Variants in RYR3 observed in about 807,000 individuals in gnomAD.
RYR3 encodes ryanodine receptor 3.
A neutral mutation model predicts 584.3 loss-of-function variants in RYR3; 207 were observed. The ratio of observed to expected loss-of-function variants is 0.35; its 90% confidence interval spans 0.32 to 0.40. The LOEUF (loss-of-function observed/expected upper bound fraction) is 0.40, where lower values mean the gene tolerates loss of function less well. Among genes scored for constraint, RYR3 ranks in the 10% least tolerant of loss-of-function variants. RYR3 has a pLI of 1.00. For synonymous variants in RYR3, 2,416 were observed against 2,248.5 expected (o/e 1.07, Z -2.11); for missense variants, 5,616 against 6,089.2 (o/e 0.92, Z 2.59).
chr15:33,359,773 C>G (rs1974499615), intron 1 of RYR3, among the ~76,000 whole-genome samples: 1 of 151,910 alleles, frequency 6.6e-6, no homozygotes. Flanking sequence ...CGCCCACCAC[C>G]AAGCCTGGCT....
At chr15:33,687,753 AC>A (rs2065118512) in intron 38 of RYR3, among the ~76,000 whole-genome samples, 1 of 152,196 alleles carries the variant, frequency 6.6e-6, no homozygotes, top group Admixed American at 6.5e-5. Flanking sequence ...CTCAGAAATA[AC>A]ACCACACATC....
At chr15:33,321,477 T>A (rs1181277153) in intron 1 of RYR3, among the ~76,000 whole-genome samples, 1 of 152,222 alleles carries the variant, frequency 6.6e-6, no homozygotes, top group Non-Finnish European at 1.5e-5. Context: ...ATATTGGTTA[T>A]TTAACCCTGT....
intron 22 of RYR3, among the ~76,000 whole-genome samples, chr15:33,630,930 A>G (rs552481184): frequency 3.3e-5 from 5 of 152,292 alleles, no homozygotes; most frequent in African/African-American, 1.2e-4. Context: ...CCAGCTACCT[A>G]TTTTTGTAAA....
At chr15:33,673,723 T>C (rs2063987272) in intron 38 of RYR3, among the ~76,000 whole-genome samples, 1 of 152,256 alleles carries the variant, frequency 6.6e-6, no homozygotes, top group Non-Finnish European at 1.5e-5. Flanking sequence ...AAACCATCTG[T>C]CAAATTTTAC....
At chr15:33,601,370 C>T (rs1324134739) in intron 16 of RYR3, 49 bp from the exon 17 acceptor site, 2 of 1,594,554 alleles carry the variant, frequency 1.3e-6, no homozygotes, top group South Asian at 1.1e-5. Context: ...GTCCTGCCTG[C>T]TGTGCCCTCC....
chr15:33,845,021 A>G lies in RYR3; in HGVS notation c.13456A>G (p.Ile4486Val), dbSNP rs775483380. 2 of 1,613,994 alleles carry G rather than the reference A, an allele frequency of 1.2e-6. No individual in the cohort carries two copies. The highest frequency in any genetic ancestry group is 3.3e-5 in the Admixed American group (2 of 60,032). Reference sequence around the variant, plus strand: ...GCGTGCCCTGGCCATCATCCATACCATCATCTCTCTAGTCTGTGTGGTGGG... The same window carrying G: ...GCGTGCCCTGGCCATCATCCATACCGTCATCTCTCTAGTCTGTGTGGTGGG... Reference protein sequence around the residue: ...TLRALAIIHTIISLVCVVGYY... With the variant: ...TLRALAIIHTVISLVCVVGYY... Residue 4486 changes from isoleucine to valine, a missense_variant, in exon 93 of 104, where the codon ATC becomes GTC. This residue lies in a region of RYR3 where 918 missense variants were observed against 887.4 expected (regional missense o/e 1.03). Transcript: ENST00000634891.
Position 33,699,768 on chromosome 15 carries a change from G to C in RYR3, c.6314G>C (p.Arg2105Pro). The C allele has an allele frequency of 6.2e-7, 1 of 1,613,724 alleles. No homozygotes were observed. Among genetic ancestry groups the C allele is most frequent in the Non-Finnish European group, 8.5e-7 (1 of 1,179,764 alleles). The change falls in exon 41 of 104, where the codon CGG becomes CCG. Residue 2105 changes from arginine (R) to proline (P), a missense_variant. By Grantham distance (103) the Arg-to-Pro change is moderately radical (BLOSUM62 -2). Coordinates refer to ENST00000634891, the MANE Select transcript of RYR3 (RefSeq NM_001036.6). Reference protein sequence around the residue: ...RFLCYFCRISRQNQKAMFEHL... With the variant: ...RFLCYFCRISPQNQKAMFEHL... ...CTTTGCTATTTCTGTCGAATTAGCCGGCAAAATCAGAAGGCCATGTTTGAG... is the reference window on the plus strand; with the variant it reads ...CTTTGCTATTTCTGTCGAATTAGCCCGCAAAATCAGAAGGCCATGTTTGAG...
chr15:33,805,406 G>A (rs751558633), intron 69 of RYR3, among the ~76,000 whole-genome samples: 1 of 151,570 alleles, frequency 6.6e-6, no homozygotes, highest in Non-Finnish European at 1.5e-5. Flanking sequence ...ACACTTACAC[G>A]TGTGAGTGAA....
chr15:33,557,967 T>G (rs2057174860), intron 10 of RYR3, among the ~76,000 whole-genome samples: 1 of 152,180 alleles, frequency 6.6e-6, no homozygotes, highest in East Asian at 1.9e-4. Context: ...ACAAGGTTGA[T>G]GCAGATAAAC....
At chr15:33,352,792 G>A (rs969555139) in intron 1 of RYR3, among the ~76,000 whole-genome samples, 3 of 152,278 alleles carry the variant, frequency 2.0e-5, no homozygotes, top group South Asian at 4.1e-4. Flanking sequence ...GCCCACTTCT[G>A]TTTACTCATG....
intron 57 of RYR3, among the ~76,000 whole-genome samples, chr15:33,754,591 T>C (rs1183940060): frequency 6.6e-6 from 1 of 152,152 alleles, no homozygotes; most frequent in Non-Finnish European, 1.5e-5. Flanking sequence ...TATTTAACAC[T>C]ACAGTCTGCA....
At chr15:33,789,819 C>T (rs1377347506) in intron 67 of RYR3, among the ~76,000 whole-genome samples, 9 of 140,370 alleles carry the variant, frequency 6.4e-5, no homozygotes, top group Non-Finnish European at 1.2e-4. Context: ...GGATTACAGG[C>T]GCAGGCCACC....
At chr15:33,513,078 CCTG>C (rs1353175676) in intron 3 of RYR3, among the ~76,000 whole-genome samples, 5 of 152,114 alleles carry the variant, frequency 3.3e-5, no homozygotes, top group African/African-American at 1.2e-4. Context: ...TTTTAAGAAA[CCTG>C]CTTACTTTTT....
Position 33,636,384 on chromosome 15 carries a change from T to C in RYR3, c.3390T>C (p.Arg1130=), listed in dbSNP as rs768848354. 1.1e-5 allele frequency: 18 copies of C among 1,613,906 alleles called. No homozygotes were observed. Among genetic ancestry groups the C allele is most frequent in the Non-Finnish European group, 1.4e-5 (17 of 1,179,822 alleles). The change falls in exon 27 of 104, where the codon CGT becomes CGC. Residue 1130 remains arginine, a synonymous_variant. Transcript: ENST00000634891. ...AGAGTCTTGTTTTCTAGGGCCAGCG[T>C]TGGCATCAAGGAAGTGGGTATTTTG... ...AFVFEGNRGQ[R]WHQGSGYFGR... is the part of the protein sequence containing the mutation.
intron 2 of RYR3, among the ~76,000 whole-genome samples, chr15:33,493,063 C>G (rs2051108670): frequency 6.6e-6 from 1 of 152,136 alleles, no homozygotes; most frequent in South Asian, 2.1e-4. Flanking sequence ...GTTCTTCCCA[C>G]CAAAAGTACA....
intron 66 of RYR3, among the ~76,000 whole-genome samples, chr15:33,787,483 C>T (rs779750170): frequency 6.7e-6 from 1 of 148,880 alleles, no homozygotes. Flanking sequence ...ACAACTCTCA[C>T]TCACTCATTT....
At position 33,341,157 on chromosome 15, in the gene RYR3, G is replaced by A. The variant is rs1006315075; in HGVS notation, c.51+30061G>A. Among the ~76,000 whole-genome samples, 4 of 152,228 alleles carry A rather than the reference G, an allele frequency of 2.6e-5. No homozygotes were observed. The East Asian group carries it at 5.8e-4, about 22-fold the overall frequency. On this transcript the variant is annotated intron_variant, in intron 1 of 103. Coordinates refer to ENST00000634891, the MANE Select transcript of RYR3 (RefSeq NM_001036.6). ...GGGTTCAAGTGATTCTCCTGCCTCAGCCTCCCGAGTAGCTGGGACTACAGG... is the reference window on the plus strand; with the variant it reads ...GGGTTCAAGTGATTCTCCTGCCTCAACCTCCCGAGTAGCTGGGACTACAGG...
At chr15:33,414,280 G>A (rs183723882) in intron 1 of RYR3, among the ~76,000 whole-genome samples, 40 of 152,222 alleles carry the variant, frequency 2.6e-4, no homozygotes, top group Middle Eastern at 3.4e-3. Context: ...TAAGGACTTC[G>A]AGCTGAAATT....
chr15:33,500,760 C>T (rs970165977), intron 2 of RYR3, among the ~76,000 whole-genome samples: 1 of 152,170 alleles, frequency 6.6e-6, no homozygotes, highest in Non-Finnish European at 1.5e-5. Context: ...TGGCTACAAA[C>T]AAATTAGCTT....
Sources: gnomAD v4.1 joint callset for allele counts (sites outside exome capture counted in the v4.1 genomes callset) on GRCh38, gnomAD v4.1.1 for gene constraint, gnomAD v4.1.1 regional missense constraint, MANE v1.5 for transcripts, NCBI Gene and HGNC (gene_info 2026-07-23, HGNC 2026-07-21) for gene names.